ALK: variants seen among roughly 807,000 people sequenced by gnomAD.
The protein encoded by ALK is ALK tyrosine kinase receptor.
Under a neutral mutation model 163.1 loss-of-function variants are expected in ALK, and 74 were observed. The observed-to-expected ratio is 0.45, with a 90% CI of 0.38 to 0.55. ALK has a LOEUF of 0.55. ALK is among the 20% of genes least tolerant of loss of function. The pLI, the probability that ALK is intolerant of heterozygous loss-of-function variation, is 0.00. For missense variants in ALK, 2,063 were observed against 2,105.3 expected (o/e 0.98, Z 0.39); for synonymous variants, 960 against 843.2 (o/e 1.14, Z -2.40).
At chr2:29,777,915 C>T (rs1681220533) in intron 1 of ALK, among the ~76,000 whole-genome samples, 1 of 152,192 alleles carries the variant, frequency 6.6e-6, no homozygotes, top group African/African-American at 2.4e-5. Context: ...ATTATTCCTG[C>T]AGGCCCTTGC....
intron 4 of ALK, among the ~76,000 whole-genome samples, chr2:29,420,192 A>T (rs561462172): frequency 1.3e-5 from 2 of 150,094 alleles, no homozygotes; most frequent in Non-Finnish European, 2.9e-5. Context: ...AGGGACCACA[A>T]CTGCAAGCTC....
chr2:29,226,826 G>A (rs771748508), intron 18 of ALK, 96 bp downstream of exon 18: 40 of 1,509,102 alleles, frequency 2.7e-5, no homozygotes, highest in Non-Finnish European at 3.2e-5. Flanking sequence ...TTACAAAACC[G>A]AATCCAGGGT....
Position 29,196,770 on chromosome 2 carries a change from C to T in ALK, c.4164G>A (p.Gln1388=), listed in dbSNP as rs200902932. 48 of 1,611,344 alleles carry T rather than the reference C, an allele frequency of 3.0e-5. 1 individual carries two copies. The South Asian group carries it at 5.2e-4, about 17-fold the overall frequency. ...TGACCAAAGGGAGAAAATGTTTTAC[C>T]TGGGTGCAGTATTCAATCCTCTCCA... is the stretch of plus-strand genomic sequence containing the variant. ...IILERIEYCT[Q]DPDVINTALP... is the part of the protein sequence containing the mutation. Residue 1388 remains glutamine, a splice_region_variant and synonymous_variant, in exon 28 of 29, where the codon CAG becomes CAA. Transcript: ENST00000389048.
intron 4 of ALK, among the ~76,000 whole-genome samples, chr2:29,389,543 C>A (rs982874010): frequency 3.9e-5 from 6 of 152,178 alleles, no homozygotes; most frequent in Non-Finnish European, 7.3e-5. Flanking sequence ...CTCCTTAATG[C>A]CAGAATGGTG....
chr2:29,381,323 A>G (rs536163042), intron 5 of ALK, among the ~76,000 whole-genome samples: 2 of 152,272 alleles, frequency 1.3e-5, no homozygotes, highest in South Asian at 2.1e-4. Flanking sequence ...GCTTTTTGCT[A>G]TTAGTCCATA....
intron 1 of ALK, among the ~76,000 whole-genome samples, chr2:29,803,287 C>T (rs935852890): frequency 1.3e-5 from 2 of 152,128 alleles, no homozygotes; most frequent in Non-Finnish European, 2.9e-5. Flanking sequence ...CAGATGTGGG[C>T]AGAGAATGGG....
At chr2:29,873,901 G>C (rs568769675) in intron 1 of ALK, among the ~76,000 whole-genome samples, 35 of 152,188 alleles carry the variant, frequency 2.3e-4, no homozygotes, top group African/African-American at 7.7e-4. Flanking sequence ...CAACAAAGCA[G>C]TAGCCTCTGG....
chr2:29,520,003 T>G (rs1371421244), intron 4 of ALK, among the ~76,000 whole-genome samples: 2 of 152,098 alleles, frequency 1.3e-5, no homozygotes, highest in African/African-American at 2.4e-5. Context: ...ACTAGTAAAC[T>G]AAGGAGAAGG....
chr2:29,417,878 A>G lies in ALK; in HGVS notation c.1155-34019T>C, dbSNP rs114159107. Among the ~76,000 whole-genome samples the G allele has an allele frequency of 1.2e-3, 182 of 152,318 alleles. 1 individual carries two copies. The highest frequency in any genetic ancestry group is 9.8e-4 in the Non-Finnish European group (67 of 68,028). ...AGCATAACAGCATGCTTTAGACCCG[A>G]ACGCATTTACCCTAGTGGCTGAGCT... is the stretch of plus-strand genomic sequence containing the variant. On this transcript the variant is annotated intron_variant, in intron 4 of 28. Transcript: ENST00000389048.
intron 4 of ALK, among the ~76,000 whole-genome samples, chr2:29,429,981 T>C (rs1441666593): frequency 6.6e-6 from 1 of 151,992 alleles, no homozygotes; most frequent in East Asian, 1.9e-4. Context: ...TATAAAAAAA[T>C]TTTTCAGGGA....
At chr2:29,504,387 T>G (rs1333505906) in intron 4 of ALK, among the ~76,000 whole-genome samples, 1 of 152,142 alleles carries the variant, frequency 6.6e-6, no homozygotes, top group Non-Finnish European at 1.5e-5. Flanking sequence ...CTGGCATAAC[T>G]TGATCTACAT....
chr2:29,762,093 T>G (rs1680722715), intron 1 of ALK, among the ~76,000 whole-genome samples: 1 of 152,234 alleles, frequency 6.6e-6, no homozygotes, highest in South Asian at 2.1e-4. Context: ...CCTTTGACAT[T>G]AAATCCAGCT....
intron 1 of ALK, among the ~76,000 whole-genome samples, chr2:29,728,853 T>C (rs1023614238): frequency 1.1e-4 from 16 of 152,046 alleles, no homozygotes; most frequent in African/African-American, 3.6e-4. Context: ...GGAGATGACA[T>C]TGATTGCAAT....
intron 1 of ALK, among the ~76,000 whole-genome samples, chr2:29,818,389 C>T (rs1408376544): frequency 6.6e-6 from 1 of 152,172 alleles, no homozygotes; most frequent in East Asian, 1.9e-4. Context: ...ATTTTAATCA[C>T]GCTCTCTGGG....
intron 1 of ALK, among the ~76,000 whole-genome samples, chr2:29,828,505 T>C (rs1000762759): frequency 3.3e-5 from 5 of 152,004 alleles, no homozygotes; most frequent in African/African-American, 7.2e-5. Flanking sequence ...GGGCGAAGGA[T>C]ATGAACAGAC....
chr2:29,841,971 G>T (rs140090140), intron 1 of ALK, among the ~76,000 whole-genome samples: 1 of 151,886 alleles, frequency 6.6e-6, no homozygotes, highest in African/African-American at 2.4e-5. Context: ...GAAAACTAAC[G>T]TTCCCTTCTC....
chr2:29,545,891 A>T (rs1000117762), intron 3 of ALK, among the ~76,000 whole-genome samples: 16 of 152,218 alleles, frequency 1.1e-4, no homozygotes, highest in African/African-American at 3.9e-4. Flanking sequence ...GCCTAGAAGT[A>T]GTAGTACAAT....
chr2:29,684,260 C>A (rs978566789), intron 3 of ALK, among the ~76,000 whole-genome samples: 2 of 151,992 alleles, frequency 1.3e-5, no homozygotes, highest in Non-Finnish European at 1.5e-5. Context: ...CTTCTTAATA[C>A]GAGGAAGTAA....
At chr2:29,824,246 G>T (rs551771615) in intron 1 of ALK, among the ~76,000 whole-genome samples, 136 of 152,400 alleles carry the variant, frequency 8.9e-4, no homozygotes, top group African/African-American at 3.1e-3. Flanking sequence ...TGTCCAGGCA[G>T]AAGTTTGCTG....
Sources: gnomAD v4.1 joint callset for allele counts (sites outside exome capture counted in the v4.1 genomes callset) on GRCh38, gnomAD v4.1.1 for gene constraint, MANE v1.5 for transcripts, NCBI Gene and HGNC (gene_info 2026-07-23, HGNC 2026-07-21) for gene names.